SLC36A1: variants seen among roughly 807,000 people sequenced by gnomAD.
SLC36A1 encodes solute carrier family 36 member 1.
Under a neutral mutation model 47.5 loss-of-function variants are expected in SLC36A1, and 30 were observed. The ratio of observed to expected loss-of-function variants is 0.63; its 90% CI spans 0.47 to 0.86. SLC36A1 has a LOEUF of 0.86. Ranked by LOEUF, SLC36A1 falls within the 40% of genes least tolerant of loss-of-function variation. SLC36A1 has a pLI of 0.00. For synonymous variants in SLC36A1, 255 were observed against 249.7 expected (o/e 1.02, Z -0.20); for missense variants, 517 against 606.0 (o/e 0.85, Z 1.54).
chr5:151,358,737 G>C, the SLC36A1 span, among the ~76,000 whole-genome samples: 1 of 152,052 alleles, frequency 6.6e-6, no homozygotes, highest in Admixed American at 6.5e-5. Context: ...ACTTTGGGAG[G>C]CCGAGGCGGG....
the SLC36A1 span, among the ~76,000 whole-genome samples, chr5:151,355,475 A>C: frequency 1.3e-5 from 2 of 152,218 alleles, no homozygotes; most frequent in Non-Finnish European, 1.5e-5. Flanking sequence ...TAACTCTGCA[A>C]TTTAATTTCT....
At chr5:151,351,292 C>G in the SLC36A1 span, among the ~76,000 whole-genome samples, 24 of 152,086 alleles carry the variant, frequency 1.6e-4, no homozygotes, top group African/African-American at 5.8e-4. Flanking sequence ...TTTAACCCAG[C>G]CCAGGTCTTT....
chr5:151,537,174 CAGAA>C, the SLC36A1 span, among the ~76,000 whole-genome samples: 300 of 141,002 alleles, frequency 2.1e-3, 4 homozygotes, highest in East Asian at 0.047. Flanking sequence ...GAGAGAAATA[CAGAA>C]AGAAAGAAGA....
At chr5:151,361,194 A>G in the SLC36A1 span, among the ~76,000 whole-genome samples, 1 of 152,186 alleles carries the variant, frequency 6.6e-6, no homozygotes, top group African/African-American at 2.4e-5. Flanking sequence ...TAGCACTGAC[A>G]ATACTTTCCA....
At chr5:151,432,572 G>C (rs1759424548), upstream of SLC36A1, among the ~76,000 whole-genome samples, 1 of 152,150 alleles carries the variant, frequency 6.6e-6, no homozygotes, top group Admixed American at 6.5e-5. Flanking sequence ...CACTAATCTA[G>C]GTAATGCTGT....
the SLC36A1 span, among the ~76,000 whole-genome samples, chr5:151,385,005 AGAGAGTGTGT>A: frequency 2.1e-5 from 2 of 95,712 alleles, no homozygotes; most frequent in Non-Finnish European, 4.1e-5. Flanking sequence ...AGAGAGAGAG[AGAGAGTGTGT>A]GTGTGTGTGT....
At chr5:151,530,454 T>A in the SLC36A1 span, among the ~76,000 whole-genome samples, 1 of 152,026 alleles carries the variant, frequency 6.6e-6, no homozygotes, top group Non-Finnish European at 1.5e-5. Context: ...ATCCAAACGA[T>A]GGAAAATTCT....
Position 151,490,484 on chromosome 5 carries a change from A to C in SLC36A1, c.*2230A>C, listed in dbSNP as rs993460900. 6.6e-6 allele frequency: 1 copy of C among 152,308 alleles called. No individual in the cohort carries two copies. Among genetic ancestry groups the C allele is most frequent in the Non-Finnish European group, 1.5e-5 (1 of 68,126 alleles). The allele number at this position is 152,308 out of a possible 1,614,324, so 9.4% of individuals were successfully genotyped here. On this transcript the variant is annotated 3_prime_UTR_variant, in exon 11 of 11. Coordinates refer to ENST00000243389, the MANE Select transcript of SLC36A1 (RefSeq NM_078483.4). Reference sequence around the variant, plus strand: ...AGAGCTGCTAGAGACCATCCTGCCCATCCGAGTTCTGAGATTGGGACTGTG... The same window carrying C: ...AGAGCTGCTAGAGACCATCCTGCCCCTCCGAGTTCTGAGATTGGGACTGTG...
upstream of SLC36A1, chr5:151,447,556 G>A (rs1265586616): frequency 2.0e-5 from 3 of 152,378 alleles, no homozygotes; most frequent in African/African-American, 7.2e-5. Flanking sequence ...GCCGCTCAAG[G>A]GAGCACGTGA....
chr5:151,456,077 C>A (rs1754456954), intron 1 of SLC36A1, among the ~76,000 whole-genome samples: 1 of 152,160 alleles, frequency 6.6e-6, no homozygotes, highest in Non-Finnish European at 1.5e-5. Flanking sequence ...AAAGGGATTC[C>A]TCAGATAAAA....
chr5:151,555,700 G>C, the SLC36A1 span, among the ~76,000 whole-genome samples: 1 of 152,160 alleles, frequency 6.6e-6, no homozygotes, highest in Non-Finnish European at 1.5e-5. Context: ...AAAGGAAAAA[G>C]AATGTGCAGA....
At chr5:151,389,204 T>A in the SLC36A1 span, among the ~76,000 whole-genome samples, 2 of 151,944 alleles carry the variant, frequency 1.3e-5, no homozygotes, top group African/African-American at 4.8e-5. Context: ...GTGCCTGATG[T>A]TGTAACCATT....
chr5:151,416,802 A>C, the SLC36A1 span, among the ~76,000 whole-genome samples: 1 of 152,108 alleles, frequency 6.6e-6, no homozygotes, highest in African/African-American at 2.4e-5. Context: ...TGAATTGTAA[A>C]CCCCAAAATC....
At position 151,463,563 on chromosome 5, in the gene SLC36A1, A is replaced by C; in HGVS notation, c.154A>C (p.Thr52Pro). 1 of 1,613,826 alleles carries C rather than the reference A, an allele frequency of 6.2e-7. No homozygotes were observed. Among genetic ancestry groups the C allele is most frequent in the Non-Finnish European group, 8.5e-7 (1 of 1,179,700 alleles). ...GQSNSTTWFQ[T>P]LIHLLKGNIG... ...TGTCTTCCACTTCAGATGGTTCCAG[A>C]CCTTGATCCACCTGTTAAAAGGCAA... Residue 52 changes from threonine to proline, a missense_variant, in exon 3 of 11, where the codon ACC (threonine) becomes CCC (proline). Transcript: ENST00000243389.
the SLC36A1 span, among the ~76,000 whole-genome samples, chr5:151,407,500 A>G: frequency 6.6e-6 from 1 of 150,486 alleles, no homozygotes; most frequent in Non-Finnish European, 1.5e-5. Context: ...TGATTGGTGC[A>G]TATTTACAGA....
chr5:151,453,483 G>T (rs1323203629), intron 1 of SLC36A1, among the ~76,000 whole-genome samples: 1 of 151,896 alleles, frequency 6.6e-6, no homozygotes, highest in Non-Finnish European at 1.5e-5. Context: ...ATGGCTAGTG[G>T]TTACTGTACT....
chr5:151,548,717 G>A, the SLC36A1 span, among the ~76,000 whole-genome samples: 2 of 152,132 alleles, frequency 1.3e-5, no homozygotes, highest in Non-Finnish European at 2.9e-5. Context: ...CCAACCTCAG[G>A]TGATCCGCCC....
At chr5:151,400,473 T>G in the SLC36A1 span, among the ~76,000 whole-genome samples, 2 of 152,210 alleles carry the variant, frequency 1.3e-5, no homozygotes, top group Admixed American at 6.5e-5. Context: ...AACATATGCA[T>G]GCATGTGTCT....
At chr5:151,367,017 T>C in the SLC36A1 span, among the ~76,000 whole-genome samples, 7 of 151,962 alleles carry the variant, frequency 4.6e-5, no homozygotes, top group African/African-American at 1.7e-4. Flanking sequence ...CTAATAAGGG[T>C]CTAACAAAGT....
Sources: allele counts gnomAD v4.1 joint callset (sites outside exome capture counted in the v4.1 genomes callset), GRCh38; gene constraint gnomAD v4.1.1; transcripts MANE v1.5; gene names NCBI Gene and HGNC (gene_info 2026-07-23, HGNC 2026-07-21).